The following ZNF644 variants were observed in gnomAD, a reference collection of about 807,000 sequenced individuals.
ZNF644 encodes the protein zinc finger protein 644.
Under a neutral mutation model 108.0 loss-of-function variants are expected in ZNF644, and 20 were observed. The observed-to-expected ratio is 0.19, with a 90% CI of 0.13 to 0.27. The LOEUF (loss-of-function observed/expected upper bound fraction) is 0.27, where lower values mean the gene tolerates loss of function less well. ZNF644 is among the 10% of genes least tolerant of loss of function. The pLI is 1.00. For missense variants in ZNF644, 1,338 were observed against 1,548.9 expected, an observed-to-expected ratio of 0.86 and a Z score of 2.29; for synonymous variants, 542 against 539.1, an observed-to-expected ratio of 1.01 and a Z score of -0.08.
At chr1:90,998,917 C>G (rs370436728) in intron 1 of ZNF644, among the ~76,000 whole-genome samples, 1 of 152,108 alleles carries the variant, frequency 6.6e-6, no homozygotes, top group African/African-American at 2.4e-5. Flanking sequence ...GCTTCAGTAG[C>G]CGATCTGATC....
chr1:90,942,032 A>C (rs561486567), intron 2 of ZNF644, among the ~76,000 whole-genome samples: 8 of 152,200 alleles, frequency 5.3e-5, no homozygotes, highest in Admixed American at 1.3e-4. Flanking sequence ...ACTTTAGTAA[A>C]GTTAACTAAA....
chr1:90,946,853 T>C (rs755487711), intron 2 of ZNF644, among the ~76,000 whole-genome samples: 1 of 152,090 alleles, frequency 6.6e-6, no homozygotes, highest in Non-Finnish European at 1.5e-5. Flanking sequence ...CCTGATGCCA[T>C]GTACCATCCT....
At position 91,015,854 on chromosome 1, in the gene ZNF644, T is replaced by C. The variant is rs149374143; in HGVS notation, c.-18+6136A>G. On this transcript the variant is annotated intron_variant, in intron 1 of 5. Coordinates refer to ENST00000337393, the MANE Select transcript of ZNF644 (RefSeq NM_201269.3). ...TGTAGAAAGAATAATTAAACAATGG[T>C]AATAATAACTATTATTACTCTAACA... 2.7e-3 allele frequency among the ~76,000 whole-genome samples: 406 copies of C among 152,296 alleles called. 2 individuals carry two copies. The highest frequency in any genetic ancestry group is 9.3e-3 in the African/African-American group (388 of 41,556).
intron 2 of ZNF644, among the ~76,000 whole-genome samples, chr1:90,969,710 T>C (rs746899839): frequency 6.6e-6 from 1 of 152,208 alleles, no homozygotes; most frequent in Non-Finnish European, 1.5e-5. Flanking sequence ...TTACTTTACT[T>C]AATTGTTCTA....
intron 1 of ZNF644, among the ~76,000 whole-genome samples, chr1:91,007,225 GTTTTTTTTTT>G (rs35761791): frequency 1.3e-4 from 7 of 55,998 alleles, no homozygotes; most frequent in East Asian, 1.2e-3. Context: ...CTCCCATTTT[GTTTTTTTTTT>G]TTTTTTTTTT....
rs1373335351 is a variant in ZNF644, at chr1:90,922,649, G to A, written c.3689-4495C>T. On this transcript the variant is annotated intron_variant, in intron 4 of 5. Coordinates refer to ENST00000337393, the MANE Select transcript of ZNF644 (RefSeq NM_201269.3). Reference sequence around the variant, plus strand: ...TGCAGGTTTGTTATATAGGTAAATTGTCACGGGAGTTGGTGTACAGACTAT... The same window carrying A: ...TGCAGGTTTGTTATATAGGTAAATTATCACGGGAGTTGGTGTACAGACTAT... Among the ~76,000 whole-genome samples, 5 of 151,974 alleles carry A rather than the reference G, an allele frequency of 3.3e-5. No homozygotes were observed. The East Asian group carries it at 9.6e-4, about 29-fold the overall frequency.
intron 2 of ZNF644, among the ~76,000 whole-genome samples, chr1:90,959,226 A>C (rs1570436314): frequency 6.6e-6 from 1 of 152,340 alleles, no homozygotes; most frequent in Non-Finnish European, 1.5e-5. Flanking sequence ...AACCATTAGA[A>C]TAGCTTTAAT....
At chr1:90,973,445 C>T (rs954467718) in intron 2 of ZNF644, among the ~76,000 whole-genome samples, 21 of 152,232 alleles carry the variant, frequency 1.4e-4, no homozygotes, top group African/African-American at 5.1e-4. Flanking sequence ...CCTAGGTCTT[C>T]CATTGTTAAA....
chr1:91,014,742 G>C (rs1455130782), intron 1 of ZNF644, among the ~76,000 whole-genome samples: 1 of 149,630 alleles, frequency 6.7e-6, no homozygotes, highest in South Asian at 2.2e-4. Flanking sequence ...GACACCACTT[G>C]AAATAAGGGG....
At chr1:90,971,935 G>A (rs953299337) in intron 2 of ZNF644, among the ~76,000 whole-genome samples, 6 of 151,824 alleles carry the variant, frequency 4.0e-5, no homozygotes, top group East Asian at 1.9e-4. Context: ...ATATTATTCC[G>A]TTTGCATTTT....
At chr1:90,980,069 C>CT (rs1656394098) in intron 2 of ZNF644, among the ~76,000 whole-genome samples, 1 of 150,260 alleles carries the variant, frequency 6.7e-6, no homozygotes, top group South Asian at 2.1e-4. Flanking sequence ...TTCTGAATCT[C>CT]TATTTGCCTG....
At chr1:91,012,839 C>T (rs1387210066) in intron 1 of ZNF644, among the ~76,000 whole-genome samples, 1 of 148,100 alleles carries the variant, frequency 6.8e-6, no homozygotes, top group African/African-American at 2.5e-5. Context: ...GTATGTTATA[C>T]CTAAAAAAAA....
At chr1:90,921,405 A>G (rs1306301482) in intron 4 of ZNF644, among the ~76,000 whole-genome samples, 1 of 151,990 alleles carries the variant, frequency 6.6e-6, no homozygotes, top group African/African-American at 2.4e-5. Context: ...TAGTGACCAA[A>G]AAACTCCAAG....
At chr1:91,015,872 C>T (rs548649161) in intron 1 of ZNF644, among the ~76,000 whole-genome samples, 3 of 152,270 alleles carry the variant, frequency 2.0e-5, no homozygotes, top group African/African-American at 7.2e-5. Context: ...ACTATTATTA[C>T]TCTAACAGGT....
At chr1:90,956,342 G>A (rs1653754885) in intron 2 of ZNF644, among the ~76,000 whole-genome samples, 1 of 152,204 alleles carries the variant, frequency 6.6e-6, no homozygotes, top group Non-Finnish European at 1.5e-5. Flanking sequence ...ATGCAGGGTT[G>A]CTGCAAAATT....
At chr1:90,931,749 G>A (rs1011862801) in intron 4 of ZNF644, among the ~76,000 whole-genome samples, 8 of 151,794 alleles carry the variant, frequency 5.3e-5, no homozygotes, top group African/African-American at 1.5e-4. Flanking sequence ...ACAAATATTA[G>A]GGAAGATAAT....
At chr1:90,999,857 TG>T (rs1453749386) in intron 1 of ZNF644, among the ~76,000 whole-genome samples, 2 of 151,436 alleles carry the variant, frequency 1.3e-5, no homozygotes, top group East Asian at 3.9e-4. Context: ...ACCAAGCAAA[TG>T]GAAAACAAAA....
At chr1:90,935,102 A>G (rs1334487173) in intron 4 of ZNF644, among the ~76,000 whole-genome samples, 1 of 152,208 alleles carries the variant, frequency 6.6e-6, no homozygotes, top group Non-Finnish European at 1.5e-5. Context: ...GGAATCTAAA[A>G]TCAATTTAAA....
intron 2 of ZNF644, among the ~76,000 whole-genome samples, chr1:90,941,512 T>C (rs1348185333): frequency 6.6e-6 from 1 of 152,184 alleles, no homozygotes; most frequent in Non-Finnish European, 1.5e-5. Context: ...TTCTTCATGC[T>C]AGGCAACAAC....
Sources: allele counts gnomAD v4.1 joint callset (sites outside exome capture counted in the v4.1 genomes callset), GRCh38; gene constraint gnomAD v4.1.1; transcripts MANE v1.5; gene names NCBI Gene and HGNC (gene_info 2026-07-23, HGNC 2026-07-21).